Variants in JAM2 observed in about 807,000 individuals in gnomAD.
JAM2 encodes junctional adhesion molecule B.
In JAM2, 17 loss-of-function variants were observed where a neutral mutation model predicts 42.0. That is an observed-to-expected ratio of 0.40 (90% CI 0.28 to 0.61). The LOEUF is 0.61. Among genes scored for constraint, JAM2 ranks in the 20% least tolerant of loss-of-function variants. The pLI is 0.37. For synonymous variants in JAM2, 118 were observed against 128.6 expected (o/e 0.92, Z 0.56); for missense variants, 319 against 358.3 (o/e 0.89, Z 0.89).
chr21:25,679,239 G>A (rs1018737653), intron 1 of JAM2, among the ~76,000 whole-genome samples: 2 of 152,206 alleles, frequency 1.3e-5, no homozygotes, highest in African/African-American at 4.8e-5. Flanking sequence ...GAGTTGTCAT[G>A]TCATATGAAA....
At chr21:25,641,863 GCTTT>G (rs1445044055) in intron 1 of JAM2, among the ~76,000 whole-genome samples, 1 of 152,052 alleles carries the variant, frequency 6.6e-6, no homozygotes, top group Non-Finnish European at 1.5e-5. Flanking sequence ...GGCTTCCCTT[GCTTT>G]CTCTTACTAT....
intron 4 of JAM2, among the ~76,000 whole-genome samples, chr21:25,697,659 T>TG (rs1260650134): frequency 6.6e-6 from 1 of 151,868 alleles, no homozygotes; most frequent in Non-Finnish European, 1.5e-5. Flanking sequence ...CCCAGCACTG[T>TG]GGGAGGCCAA....
At chr21:25,642,066 A>G (rs1471648442) in intron 1 of JAM2, among the ~76,000 whole-genome samples, 2 of 152,076 alleles carry the variant, frequency 1.3e-5, no homozygotes, top group African/African-American at 4.8e-5. Flanking sequence ...CACATGACTT[A>G]TTGCTGTTGA....
intron 1 of JAM2, among the ~76,000 whole-genome samples, chr21:25,663,198 G>C (rs1186111896): frequency 6.6e-6 from 1 of 152,182 alleles, no homozygotes; most frequent in Non-Finnish European, 1.5e-5. Context: ...GTAAGGGGCA[G>C]TAGTCAAAGG....
At chr21:25,679,013 A>G (rs1392621459) in intron 1 of JAM2, among the ~76,000 whole-genome samples, 1 of 152,216 alleles carries the variant, frequency 6.6e-6, no homozygotes, top group African/African-American at 2.4e-5. Flanking sequence ...TATGTTGCCC[A>G]GGCTGGTCTT....
chr21:25,688,379 T>C (rs1055352123), intron 2 of JAM2, among the ~76,000 whole-genome samples: 3 of 152,080 alleles, frequency 2.0e-5, no homozygotes, highest in Admixed American at 6.6e-5. Flanking sequence ...ACAGAAGACA[T>C]GAGGAATAGG....
intron 1 of JAM2, among the ~76,000 whole-genome samples, chr21:25,673,734 T>C (rs1270759161): frequency 6.6e-6 from 1 of 152,188 alleles, no homozygotes; most frequent in Admixed American, 6.5e-5. Context: ...TTCCCTGCTT[T>C]CTAAAACACT....
chr21:25,660,782 A>ATTTTTTT lies in JAM2; in HGVS notation c.67+20918_67+20924dup. 1.0e-3 allele frequency among the ~76,000 whole-genome samples: 43 copies of ATTTTTTT among 41,322 alleles called. 11 individuals are homozygous for ATTTTTTT. Among genetic ancestry groups the ATTTTTTT allele is most frequent in the Non-Finnish European group, 1.3e-3 (36 of 27,300 alleles). The allele number at this position is 41,322 out of a possible 152,430, so 27.1% of individuals were successfully genotyped here. ...ACCATATATATATATATATATATATATTTTTTTTTTTTTTTTTTTTTTTTT... is the reference window on the plus strand; with the variant it reads ...ACCATATATATATATATATATATATATTTTTTTTTTTTTTTTTTTTTTTTTTTTTTTT... On this transcript the variant is annotated intron_variant, in intron 1 of 9. Coordinates refer to ENST00000480456, the MANE Select transcript of JAM2 (RefSeq NM_021219.4).
Position 25,698,676 on chromosome 21 carries a change from GT to G in JAM2, c.395del (p.Val132GlyfsTer15). The G allele has an allele frequency of 6.2e-7, 1 of 1,612,972 alleles. No homozygotes were observed. Among genetic ancestry groups the G allele is most frequent in the South Asian group, 1.1e-5 (1 of 90,922 alleles). On this transcript the variant is annotated frameshift_variant and splice_region_variant, in exon 5 of 10. Coordinates refer to ENST00000480456, the MANE Select transcript of JAM2 (RefSeq NM_021219.4). LOFTEE classifies it high-confidence loss of function. ...AATATCATTTGACTTCCATTGTTCA[GT>G]GGCTCCAGCAGTTCCATCATGTGAA... ...EEDTVTLEVL[V>X]APAVPSCEVP...
intron 7 of JAM2, 151 bp downstream of exon 7, chr21:25,706,237 GGT>G: frequency 1.7e-6 from 1 of 587,046 alleles, no homozygotes; most frequent in South Asian, 1.9e-5. Flanking sequence ...GGAGTGCAGT[GGT>G]GGCAAAATCT....
At chr21:25,657,968 CT>C (rs1472682277) in intron 1 of JAM2, among the ~76,000 whole-genome samples, 1 of 152,120 alleles carries the variant, frequency 6.6e-6, no homozygotes, top group African/African-American at 2.4e-5. Context: ...ATGTTATAAA[CT>C]TTTTGTTTGA....
chr21:25,687,227 G>T (rs2033770364), intron 2 of JAM2, among the ~76,000 whole-genome samples: 1 of 150,898 alleles, frequency 6.6e-6, no homozygotes, highest in Non-Finnish European at 1.5e-5. Context: ...CTATATGTAA[G>T]GTGGTGCCAT....
At chr21:25,709,310 A>G in intron 7 of JAM2, 124 bp from the exon 8 acceptor site, 1 of 550,636 alleles carries the variant, frequency 1.8e-6, no homozygotes, top group South Asian at 4.3e-5. Flanking sequence ...TTTAGAAGGT[A>G]TAAACGTCAG....
chr21:25,695,892 T>C (rs1233806252), intron 4 of JAM2, among the ~76,000 whole-genome samples: 1 of 147,446 alleles, frequency 6.8e-6, no homozygotes, highest in Non-Finnish European at 1.5e-5. Flanking sequence ...GAGGCGCTCC[T>C]CACTTCCCAG....
In JAM2 at chr21:25,658,434, A is replaced by G. The variant is rs193047677; in HGVS notation, c.67+18546A>G. Among the ~76,000 whole-genome samples, 242 of 152,300 alleles carry G rather than the reference A, an allele frequency of 1.6e-3. 1 individual carries two copies. The highest frequency in any genetic ancestry group is 3.0e-3 in the Non-Finnish European group (204 of 68,022). On this transcript the variant is annotated intron_variant, in intron 1 of 9. Coordinates refer to ENST00000480456, the MANE Select transcript of JAM2 (RefSeq NM_021219.4). The stretch of plus-strand genomic sequence containing the variant: ...CTATCCCCTGTATTTAAGTGGTAAA[A>G]TGGAAAGAGAAATGTATAACCACTC...
Position 25,695,910 on chromosome 21 carries a change from A to G in JAM2, c.394+2002A>G, listed in dbSNP as rs1175705517. On this transcript the variant is annotated intron_variant, in intron 4 of 9. Transcript: ENST00000480456. ...GCGCTCCTCACTTCCCAGACTGGGCAGCCAGGCAGAGGGGCTCCTCACATC... is the reference window on the plus strand; with the variant it reads ...GCGCTCCTCACTTCCCAGACTGGGCGGCCAGGCAGAGGGGCTCCTCACATC... Among the ~76,000 whole-genome samples the G allele has an allele frequency of 2.1e-5, 3 of 145,110 alleles. No individual in the cohort carries two copies. In the South Asian group the frequency reaches 6.7e-4, roughly 32 times the overall value.
chr21:25,657,566 T>A lies in JAM2; in HGVS notation c.67+17678T>A, dbSNP rs560534602. On this transcript the variant is annotated intron_variant, in intron 1 of 9. Transcript: ENST00000480456. ...ATATCTAACCACAAACGTCAAATTT[T>A]GTTCACAAAGAAGCAAAAAGTATAA... is the stretch of plus-strand genomic sequence containing the variant. Among the ~76,000 whole-genome samples, 7 of 152,316 alleles carry A rather than the reference T, an allele frequency of 4.6e-5. No individual in the cohort carries two copies. In the South Asian group the frequency reaches 1.5e-3, roughly 32 times the overall value.
rs2034090609 is a variant in JAM2 at position 25,698,590 on chromosome 21, G to A, written c.395-87G>A. ...TACCTGGCTATTAAAACCATTGATT[G>A]TAGAGACAAAGTCAACAGCTTTGAA... On this transcript the variant is annotated intron_variant, in intron 4 of 9. Coordinates refer to ENST00000480456, the MANE Select transcript of JAM2 (RefSeq NM_021219.4). 7.9e-6 allele frequency: 9 copies of A among 1,133,688 alleles called. No individual in the cohort carries two copies. In the South Asian group the frequency reaches 1.2e-4, roughly 15 times the overall value. 70.2% of individuals were successfully genotyped at this position (1,133,688 alleles called of 1,614,324 possible).
intron 1 of JAM2, among the ~76,000 whole-genome samples, chr21:25,678,041 C>CTGCCCAAA (rs2033540592): frequency 6.6e-6 from 1 of 151,938 alleles, no homozygotes; most frequent in Non-Finnish European, 1.5e-5. Context: ...TGAGAACAGC[C>CTGCCCAAA]ATGGTGAAAC....
Sources: allele counts gnomAD v4.1 joint callset (sites outside exome capture counted in the v4.1 genomes callset), GRCh38; gene constraint gnomAD v4.1.1; transcripts MANE v1.5; gene names NCBI Gene and HGNC (gene_info 2026-07-23, HGNC 2026-07-21).